Variants in PAN3 observed in about 807,000 individuals in gnomAD.
PAN3 encodes poly(A) specific ribonuclease subunit PAN3, also known as PAN2-PAN3 deadenylation complex subunit PAN3.
In PAN3, 19 loss-of-function variants were observed where a neutral mutation model predicts 96.2. The observed-to-expected ratio is 0.20, with a 90% CI of 0.14 to 0.29. The LOEUF (loss-of-function observed/expected upper bound fraction) is 0.29. Ranked by LOEUF, PAN3 falls within the 10% of genes least tolerant of loss-of-function variation. The pLI is 1.00. For missense variants in PAN3, 882 were observed against 1,108.1 expected, an observed-to-expected ratio of 0.80 and a Z score of 2.90; for synonymous variants, 433 against 406.6, an observed-to-expected ratio of 1.06 and a Z score of -0.78.
Position 28,281,325 on chromosome 13 carries a change from A to G in PAN3, c.2330A>G (p.Asn777Ser). 6.2e-7 allele frequency: 1 copy of G among 1,611,394 alleles called. No individual in the cohort carries two copies. Among genetic ancestry groups the G allele is most frequent in the Non-Finnish European group, 8.5e-7 (1 of 1,178,048 alleles). ...IEEDLAKEVQNGRLFRLLAKL... is the reference protein window; with the variant it reads ...IEEDLAKEVQSGRLFRLLAKL... ...TAAAATGTTTTATAGGAGGTTCAAAATGGAAGACTGTTTAGGCTCCTAGCA... is the reference window on the plus strand; with the variant it reads ...TAAAATGTTTTATAGGAGGTTCAAAGTGGAAGACTGTTTAGGCTCCTAGCA... The change falls in exon 17 of 19, where the codon AAT (asparagine) becomes AGT (serine). Residue 777 changes from asparagine (N) to serine (S), a missense_variant. By Grantham distance (46) the Asn-to-Ser change is conservative. Coordinates refer to ENST00000380958, the MANE Select transcript of PAN3 (RefSeq NM_175854.8).
At chr13:28,139,514 TTGTGTGTGTGTGTGTGTGTGTG>T (rs10577740) in intron 1 of PAN3, among the ~76,000 whole-genome samples, 2 of 93,100 alleles carry the variant, frequency 2.1e-5, no homozygotes, top group Admixed American at 2.3e-4. Context: ...AGGGGTGTGT[TTGTGTGTGTGTGTGTGTGTGTG>T]TGTGTGTGTG....
intron 9 of PAN3, among the ~76,000 whole-genome samples, chr13:28,265,631 C>A (rs1886096884): frequency 6.6e-6 from 1 of 152,018 alleles, no homozygotes; most frequent in Non-Finnish European, 1.5e-5. Context: ...TCATTTTGAA[C>A]CTGTCTTCTG....
chr13:28,186,465 A>G (rs558744701), intron 4 of PAN3, among the ~76,000 whole-genome samples: 1 of 152,336 alleles, frequency 6.6e-6, no homozygotes, highest in South Asian at 2.1e-4. Context: ...TAAATACATT[A>G]ATGGATATAG....
Position 28,138,572 on chromosome 13 carries a change from G to T in PAN3, c.-86G>T. On this transcript the variant is annotated 5_prime_UTR_variant, in exon 1 of 19. Transcript: ENST00000380958. The stretch of plus-strand genomic sequence containing the variant: ...CCGCCCAGGCTTTTATCCGGCACCG[G>T]CAGCGTCTTCCTTTCCTCCCCCGTC... 2.4e-6 allele frequency: 1 copy of T among 415,436 alleles called. No homozygotes were observed. The highest frequency in any genetic ancestry group is 4.2e-6 in the Non-Finnish European group (1 of 237,630). 25.7% of individuals were successfully genotyped at this position (415,436 alleles called of 1,614,324 possible). A position where few individuals can be genotyped will look rare whatever the true frequency, so the allele number is the denominator to read the frequency against.
chr13:28,256,516 A>T lies in PAN3; in HGVS notation c.1225A>T (p.Thr409Ser), dbSNP rs1345666246. ...GGTTYFYTDT[T>S]PAPLTGMVFP... ...GACGACTTACTTCTATACAGACACA[A>T]CTCCAGCACCTTTGACTGGAATGGT... is the stretch of plus-strand genomic sequence containing the variant. The change falls in exon 7 of 19, where the codon ACT becomes TCT. Residue 409 changes from threonine (T) to serine (S), a missense_variant. By Grantham distance (58) the Thr-to-Ser change is moderately conservative. Transcript: ENST00000380958. 3.1e-6 allele frequency: 5 copies of T among 1,613,630 alleles called. No homozygotes were observed. The highest frequency in any genetic ancestry group is 4.2e-6 in the Non-Finnish European group (5 of 1,179,810).
intron 6 of PAN3, among the ~76,000 whole-genome samples, chr13:28,253,084 G>A (rs566001600): frequency 2.6e-5 from 4 of 152,256 alleles, no homozygotes; most frequent in African/African-American, 9.6e-5. Context: ...AAGACCTTTA[G>A]TTTTATTATA....
intron 6 of PAN3, among the ~76,000 whole-genome samples, chr13:28,236,511 A>G (rs1883127079): frequency 6.6e-6 from 1 of 152,092 alleles, no homozygotes; most frequent in Non-Finnish European, 1.5e-5. Flanking sequence ...TTGAATGAGG[A>G]TGTAAAGGAA....
At chr13:28,178,855 T>G (rs1264960089) in intron 4 of PAN3, among the ~76,000 whole-genome samples, 2 of 152,174 alleles carry the variant, frequency 1.3e-5, no homozygotes, top group African/African-American at 4.8e-5. Context: ...TGGTGTTGGC[T>G]TCACGGTGTA....
chr13:28,174,221 G>A lies in PAN3; in HGVS notation c.431-51G>A, dbSNP rs1393190005. The A allele has an allele frequency of 3.9e-6, 6 of 1,555,610 alleles. No individual in the cohort carries two copies. In the African/African-American group the frequency reaches 8.3e-5, roughly 21 times the overall value. ...TTAGGAACACAGAAGTGAAATCAAT[G>A]TTTCATCCTCTGAAATAATTTTAAA... On this transcript the variant is annotated intron_variant, in intron 1 of 18. Transcript: ENST00000380958.
chr13:28,215,399 G>C, intron 5 of PAN3: 5 of 738,378 alleles, frequency 6.8e-6, no homozygotes, highest in Non-Finnish European at 1.3e-5. Flanking sequence ...ATGCACCATG[G>C]AGCTTTGAGT....
chr13:28,175,965 A>G (rs189110287), intron 2 of PAN3, among the ~76,000 whole-genome samples: 1 of 152,322 alleles, frequency 6.6e-6, no homozygotes, highest in East Asian at 1.9e-4. Flanking sequence ...CATATGAGAC[A>G]AGGATTTGTG....
intron 16 of PAN3, 130 bp from the exon 17 acceptor site, chr13:28,281,185 A>G (rs1330454660): frequency 2.8e-5 from 19 of 688,534 alleles, no homozygotes; most frequent in Non-Finnish European, 3.8e-5. Flanking sequence ...AGTATAACCA[A>G]AAGGTGGGGA....
At chr13:28,247,538 G>A (rs1884322366) in intron 6 of PAN3, among the ~76,000 whole-genome samples, 2 of 152,094 alleles carry the variant, frequency 1.3e-5, no homozygotes, top group South Asian at 4.2e-4. Flanking sequence ...CTTTCCCAAT[G>A]TTTTTTTCCT....
chr13:28,284,552 GTTTCA>G (rs1566260861), intron 17 of PAN3, among the ~76,000 whole-genome samples: 2 of 151,908 alleles, frequency 1.3e-5, no homozygotes, highest in African/African-American at 4.8e-5. Context: ...AACATTTGTG[GTTTCA>G]TTTCTTCATA....
chr13:28,281,440 G>C, intron 17 of PAN3, 61 bp downstream of exon 17: 1 of 1,367,300 alleles, frequency 7.3e-7, no homozygotes. Flanking sequence ...TGCATAATAA[G>C]AATAAGTATG....
rs1177885518 is a variant in PAN3, at chr13:28,138,957, G to A, written c.300G>A (p.Pro100=). 2 of 1,305,886 alleles carry A rather than the reference G, an allele frequency of 1.5e-6. No individual in the cohort carries two copies. Among genetic ancestry groups the A allele is most frequent in the Non-Finnish European group, 1.9e-6 (2 of 1,028,148 alleles). The allele number at this position is 1,305,886 out of a possible 1,614,324, so 80.9% of individuals were successfully genotyped here. The change falls in exon 1 of 19, where the codon CCG becomes CCA. Residue 100 remains proline, a synonymous_variant. Transcript: ENST00000380958. ...LAGAPVAGFP[P]GAVAGGGAGP... is the part of the protein sequence containing the mutation. ...GTGCACCCGTGGCCGGCTTTCCGCC[G>A]GGAGCCGTCGCGGGCGGGGGAGCTG...
chr13:28,162,505 C>T (rs935363029), intron 1 of PAN3, among the ~76,000 whole-genome samples: 6 of 151,886 alleles, frequency 4.0e-5, no homozygotes, highest in Non-Finnish European at 7.4e-5. Flanking sequence ...GGCAACATGG[C>T]GAAACCCCAC....
intron 5 of PAN3, among the ~76,000 whole-genome samples, chr13:28,203,234 A>G (rs545822732): frequency 6.8e-6 from 1 of 147,192 alleles, no homozygotes; most frequent in Non-Finnish European, 1.5e-5. Flanking sequence ...GCCATGCCTG[A>G]CCTTAATTTT....
At chr13:28,223,794 C>G (rs538704401) in intron 6 of PAN3, among the ~76,000 whole-genome samples, 119 of 150,096 alleles carry the variant, frequency 7.9e-4, no homozygotes, top group African/African-American at 2.7e-3. Flanking sequence ...TTGACTAGAT[C>G]TCTGGAAACG....
Sources: gnomAD v4.1 joint callset for allele counts (sites outside exome capture counted in the v4.1 genomes callset) on GRCh38, gnomAD v4.1.1 for gene constraint, MANE v1.5 for transcripts, NCBI Gene and HGNC (gene_info 2026-07-23, HGNC 2026-07-21) for gene names.